IGF1R: variants seen among roughly 807,000 people sequenced by gnomAD.
The protein encoded by IGF1R is insulin-like growth factor 1 receptor.
Under a neutral mutation model 144.6 loss-of-function variants are expected in IGF1R, and 44 were observed. The observed-to-expected ratio is 0.30, with a 90% CI of 0.24 to 0.39. IGF1R has a LOEUF of 0.39. IGF1R is among the 10% of genes least tolerant of loss of function. The pLI is 1.00. For synonymous variants in IGF1R, 795 were observed against 722.8 expected (o/e 1.10, Z -1.60); for missense variants, 1,355 against 1,833.7 (o/e 0.74, Z 4.77).
intron 2 of IGF1R, among the ~76,000 whole-genome samples, chr15:98,747,172 C>T (rs752925988): frequency 1.0e-4 from 15 of 150,112 alleles, no homozygotes; most frequent in African/African-American, 3.7e-4. Context: ...TATACACTTA[C>T]ACTATTCAAT....
intron 1 of IGF1R, among the ~76,000 whole-genome samples, chr15:98,657,555 G>A (rs768854598): frequency 1.8e-4 from 27 of 152,204 alleles, no homozygotes; most frequent in Non-Finnish European, 2.6e-4. Context: ...GAAAACAAAT[G>A]AACACAGAGA....
At chr15:98,914,631 A>C (rs1596443708) in intron 8 of IGF1R, among the ~76,000 whole-genome samples, 1 of 152,222 alleles carries the variant, frequency 6.6e-6, no homozygotes, top group Non-Finnish European at 1.5e-5. Context: ...ACCCCTGGCC[A>C]GCAATTCACT....
At position 98,957,044 on chromosome 15, in the gene IGF1R, G is replaced by C. The variant is rs372049648; in HGVS notation, c.3723-17G>C. 3 of 1,613,982 alleles carry C rather than the reference G, an allele frequency of 1.9e-6. No homozygotes were observed. The highest frequency in any genetic ancestry group is 2.5e-6 in the Non-Finnish European group (3 of 1,180,026). On this transcript the variant is annotated splice_polypyrimidine_tract_variant and intron_variant, in intron 20 of 20. Transcript: ENST00000650285. ...GCCCTCCCGGTTTGGACCCCCTCCC[G>C]TGTGTCTTGGCTGCAGGTTTGAACT...
chr15:98,762,742 T>TAAAACA (rs964886995), intron 2 of IGF1R, among the ~76,000 whole-genome samples: 18 of 150,322 alleles, frequency 1.2e-4, no homozygotes, highest in African/African-American at 3.2e-4. Flanking sequence ...AAAACAAAAC[T>TAAAACA]AAAACAAAAA....
chr15:98,795,975 C>T (rs1029353686), intron 2 of IGF1R, among the ~76,000 whole-genome samples: 14 of 152,240 alleles, frequency 9.2e-5, no homozygotes, highest in African/African-American at 3.1e-4. Context: ...GAAACATCAA[C>T]AATACAGCCA....
At chr15:98,916,235 C>CCTG in intron 9 of IGF1R, 104 bp downstream of exon 9, 1 of 1,003,682 alleles carries the variant, frequency 1.0e-6, no homozygotes, top group South Asian at 1.4e-5. Context: ...CAGTGTAGTT[C>CCTG]TCCATTGGAA....
At chr15:98,851,668 G>A (rs889700523) in intron 2 of IGF1R, among the ~76,000 whole-genome samples, 4 of 152,156 alleles carry the variant, frequency 2.6e-5, no homozygotes, top group Non-Finnish European at 4.4e-5. Flanking sequence ...GTTTCCCCTG[G>A]CTGGGGGTCC....
At chr15:98,688,520 C>A (rs1009595378) in intron 1 of IGF1R, among the ~76,000 whole-genome samples, 1 of 151,632 alleles carries the variant, frequency 6.6e-6, no homozygotes, top group Admixed American at 6.6e-5. Flanking sequence ...TATTATAATG[C>A]TTTCGTTGGG....
chr15:98,956,956 C>CG (rs2151737566), intron 20 of IGF1R, 105 bp from the exon 21 acceptor site: 1 of 1,306,284 alleles, frequency 7.7e-7, no homozygotes, highest in East Asian at 2.3e-5. Context: ...TTCAGTGCTC[C>CG]CGCCGTACGC....
Position 98,704,636 on chromosome 15 carries a change from G to A in IGF1R, c.95-2926G>A, listed in dbSNP as rs576759890. On this transcript the variant is annotated intron_variant, in intron 1 of 20. Coordinates refer to ENST00000650285, the MANE Select transcript of IGF1R (RefSeq NM_000875.5). This position sits in a 1 kb window ranked among gnomAD's most constrained non-coding sequence, Gnocchi z 4.9. The stretch of plus-strand genomic sequence containing the variant: ...TGCGTGTGTCCCATGTCATGTGTCC[G>A]CTGCACACCAAGTACTGTTTTAGGC... Among the ~76,000 whole-genome samples, 43 of 152,290 alleles carry A rather than the reference G, an allele frequency of 2.8e-4. No homozygotes were observed. The highest frequency in any genetic ancestry group is 4.6e-4 in the African/African-American group (19 of 41,558).
intron 1 of IGF1R, among the ~76,000 whole-genome samples, chr15:98,690,829 A>C (rs1242588356): frequency 6.6e-6 from 1 of 152,164 alleles, no homozygotes; most frequent in Non-Finnish European, 1.5e-5. Context: ...TGGGGGCGGC[A>C]GGGTGGGGCG....
At chr15:98,842,265 C>G (rs2011187636) in intron 2 of IGF1R, among the ~76,000 whole-genome samples, 1 of 152,088 alleles carries the variant, frequency 6.6e-6, no homozygotes, top group Non-Finnish European at 1.5e-5. Flanking sequence ...TTCTTTACTT[C>G]CTTTGATAAG....
chr15:98,655,009 A>G (rs1655622819), intron 1 of IGF1R, among the ~76,000 whole-genome samples: 2 of 152,212 alleles, frequency 1.3e-5, no homozygotes, highest in Admixed American at 6.5e-5. Context: ...GTTTGTGGAC[A>G]TTGAGACCTG....
chr15:98,949,911 A>AG, intron 20 of IGF1R, among the ~76,000 whole-genome samples: 1 of 152,100 alleles, frequency 6.6e-6, no homozygotes, highest in East Asian at 1.9e-4. Context: ...AATGAGTTTG[A>AG]GGAGGGGGTG....
In IGF1R at chr15:98,911,362, C is replaced by T. The variant is rs768988732; in HGVS notation, c.1510C>T (p.Arg504Cys). Residue 504 changes from arginine to cysteine, a missense_variant, in exon 7 of 21, where the codon CGC (arginine) becomes TGC (cysteine). Around this residue, in one of 7 missense-constraint regions of IGF1R, gnomAD observed 880 missense variants for 1,202.7 expected, o/e 0.73. Coordinates refer to ENST00000650285, the MANE Select transcript of IGF1R (RefSeq NM_000875.5). ...CACCTCCACCACCACGTCGAAGAAT[C>T]GCATCATCATAACCTGGCACCGGTA... The part of the protein sequence containing the change: ...HFTSTTTSKN[R>C]IIITWHRYRP... The T allele has an allele frequency of 3.2e-5, 52 of 1,614,014 alleles. No homozygotes were observed. The highest frequency in any genetic ancestry group is 6.7e-5 in the East Asian group (3 of 44,898).
At chr15:98,814,241 C>G (rs2056649025) in intron 2 of IGF1R, among the ~76,000 whole-genome samples, 1 of 152,170 alleles carries the variant, frequency 6.6e-6, no homozygotes, top group Admixed American at 6.5e-5. Flanking sequence ...GTTACTCTTT[C>G]TGGCATGAAT....
At chr15:98,906,769 C>G (rs767268096) in intron 5 of IGF1R, among the ~76,000 whole-genome samples, 3 of 152,228 alleles carry the variant, frequency 2.0e-5, no homozygotes, top group Non-Finnish European at 4.4e-5. Context: ...TGTTGACTTA[C>G]AAGTTTTTGC....
intron 20 of IGF1R, among the ~76,000 whole-genome samples, chr15:98,953,282 C>T (rs975736292): frequency 2.6e-5 from 4 of 152,124 alleles, no homozygotes; most frequent in Admixed American, 6.5e-5. Context: ...GGAAGGACTC[C>T]GTGGTCCCCA....
chr15:98,851,602 C>T (rs778289439), intron 2 of IGF1R, among the ~76,000 whole-genome samples: 6 of 152,188 alleles, frequency 3.9e-5, no homozygotes, highest in African/African-American at 9.7e-5. Flanking sequence ...CATCTAGAGG[C>T]ATCCCCAGGT....
Sources: gnomAD v4.1 joint callset for allele counts (sites outside exome capture counted in the v4.1 genomes callset) on GRCh38, gnomAD v4.1.1 for gene constraint, gnomAD v4.1.1 regional missense constraint, Gnocchi (gnomAD v3.1) non-coding constraint, MANE v1.5 for transcripts, NCBI Gene and HGNC (gene_info 2026-07-23, HGNC 2026-07-21) for gene names.